GNG12: variants seen among roughly 807,000 people sequenced by gnomAD.
GNG12 encodes G protein subunit gamma 12, also known as guanine nucleotide-binding protein G(I)/G(S)/G(O) subunit gamma-12.
For synonymous variants in GNG12, 28 were observed against 29.7 expected (o/e 0.94, Z 0.19); for missense variants, 69 against 83.8 (o/e 0.82, Z 0.69).
chr1:67,832,292 C>T (rs1420068439), intron 1 of GNG12: 1 of 152,152 alleles, frequency 6.6e-6, no homozygotes, highest in South Asian at 2.1e-4. Flanking sequence ...CAGAGATTTC[C>T]TTCTCGACCC....
chr1:67,794,366 A>G (rs1242352927), intron 1 of GNG12, among the ~76,000 whole-genome samples: 1 of 152,174 alleles, frequency 6.6e-6, no homozygotes, highest in Non-Finnish European at 1.5e-5. Context: ...ATGCTGGGGA[A>G]GGATTCTGCT....
intron 1 of GNG12, among the ~76,000 whole-genome samples, chr1:67,794,289 G>A (rs1193247656): frequency 6.6e-6 from 1 of 152,196 alleles, no homozygotes; most frequent in Non-Finnish European, 1.5e-5. Flanking sequence ...AGAGATGGGA[G>A]CTGTAGTTTA....
chr1:67,787,036 AGTGTGTGTGTGT>A (rs56084524), intron 1 of GNG12, among the ~76,000 whole-genome samples: 6 of 131,366 alleles, frequency 4.6e-5, no homozygotes, highest in South Asian at 2.7e-4. Context: ...TATGTGTATA[AGTGTGTGTGTGT>A]GTGTGTGTGT....
intron 1 of GNG12, among the ~76,000 whole-genome samples, chr1:67,818,413 GTTTTTTTT>G (rs1163831257): frequency 5.4e-4 from 45 of 83,902 alleles, no homozygotes; most frequent in African/African-American, 1.6e-3. Context: ...AAGACCAGGG[GTTTTTTTT>G]TTTTTTTTTT....
intron 2 of GNG12, among the ~76,000 whole-genome samples, chr1:67,712,944 G>T (rs1215141431): frequency 6.6e-6 from 1 of 151,934 alleles, no homozygotes; most frequent in African/African-American, 2.4e-5. Context: ...GACCAGGCTG[G>T]TCTCGAACTC....
intron 2 of GNG12, among the ~76,000 whole-genome samples, chr1:67,767,066 C>T (rs1243419322): frequency 6.6e-6 from 1 of 152,108 alleles, no homozygotes; most frequent in Non-Finnish European, 1.5e-5. Flanking sequence ...TTTGGGGGTC[C>T]TCTTTAGAAA....
intron 1 of GNG12, among the ~76,000 whole-genome samples, chr1:67,789,604 C>T (rs767067686): frequency 2.0e-5 from 3 of 152,040 alleles, no homozygotes; most frequent in Admixed American, 6.6e-5. Flanking sequence ...CTCTTTTTGC[C>T]GACACCTTTG....
intron 2 of GNG12, among the ~76,000 whole-genome samples, chr1:67,727,553 G>C (rs1352725393): frequency 1.3e-5 from 2 of 152,202 alleles, no homozygotes; most frequent in African/African-American, 4.8e-5. Context: ...ATCTCTGGAT[G>C]CATGTGCCTT....
chr1:67,764,714 C>G (rs753109157), intron 2 of GNG12, among the ~76,000 whole-genome samples: 8 of 152,142 alleles, frequency 5.3e-5, no homozygotes, highest in Admixed American at 2.0e-4. Context: ...TGTGTGTGTT[C>G]TCCTTCAATA....
intron 1 of GNG12, among the ~76,000 whole-genome samples, chr1:67,778,122 TTATAA>T (rs1276299537): frequency 6.7e-6 from 1 of 149,668 alleles, no homozygotes; most frequent in East Asian, 1.9e-4. Context: ...CTATACATAA[TTATAA>T]TAAAATACAT....
chr1:67,760,305 T>G (rs1646594670), intron 2 of GNG12, among the ~76,000 whole-genome samples: 1 of 152,194 alleles, frequency 6.6e-6, no homozygotes, highest in Admixed American at 6.5e-5. Context: ...CTCAGCCAAC[T>G]CATCCAGAGG....
chr1:67,739,377 G>A (rs900270921), intron 2 of GNG12, among the ~76,000 whole-genome samples: 3 of 151,770 alleles, frequency 2.0e-5, no homozygotes, highest in Non-Finnish European at 2.9e-5. Flanking sequence ...GGTGATATCC[G>A]CAGAGAGTTG....
intron 1 of GNG12, among the ~76,000 whole-genome samples, chr1:67,814,187 A>C (rs1170128798): frequency 6.6e-6 from 1 of 152,016 alleles, no homozygotes; most frequent in African/African-American, 2.4e-5. Flanking sequence ...AAAGTAAACA[A>C]AAAAAAATTG....
intron 2 of GNG12, among the ~76,000 whole-genome samples, chr1:67,751,398 T>C (rs762737421): frequency 2.6e-5 from 4 of 152,132 alleles, no homozygotes; most frequent in South Asian, 2.1e-4. Context: ...GGGAATAATA[T>C]AGTATCTGAA....
chr1:67,726,831 A>G (rs1646389132), intron 2 of GNG12, among the ~76,000 whole-genome samples: 1 of 152,158 alleles, frequency 6.6e-6, no homozygotes, highest in Non-Finnish European at 1.5e-5. Flanking sequence ...TCATTCTTGT[A>G]CTTGTGAAAG....
chr1:67,729,356 C>T (rs1398798671), intron 2 of GNG12, among the ~76,000 whole-genome samples: 1 of 152,208 alleles, frequency 6.6e-6, no homozygotes, highest in Non-Finnish European at 1.5e-5. Flanking sequence ...TGCCCTTCCT[C>T]TACACAGGAG....
At chr1:67,733,567 G>A (rs965508323) in intron 2 of GNG12, among the ~76,000 whole-genome samples, 1 of 152,134 alleles carries the variant, frequency 6.6e-6, no homozygotes, top group African/African-American at 2.4e-5. Context: ...GAGGGTTAGT[G>A]TATTTTTATA....
intron 1 of GNG12, among the ~76,000 whole-genome samples, chr1:67,781,071 A>C (rs1364933960): frequency 6.6e-6 from 1 of 152,200 alleles, no homozygotes; most frequent in Non-Finnish European, 1.5e-5. Context: ...TGAGAAAGGC[A>C]AAAAGTTTTA....
intron 1 of GNG12, among the ~76,000 whole-genome samples, chr1:67,793,759 C>T (rs1333471360): frequency 6.6e-6 from 1 of 152,204 alleles, no homozygotes; most frequent in Non-Finnish European, 1.5e-5. Context: ...AGCTTCACTG[C>T]CAGCCCTCCT....
Sources: gnomAD v4.1 joint callset for allele counts (sites outside exome capture counted in the v4.1 genomes callset) on GRCh38, gnomAD v4.1.1 for gene constraint, MANE v1.5 for transcripts, NCBI Gene and HGNC (gene_info 2026-07-23, HGNC 2026-07-21) for gene names.